DPP10: variants seen among roughly 807,000 people sequenced by gnomAD.
DPP10 encodes the protein inactive dipeptidyl peptidase 10.
In DPP10, 33 loss-of-function variants were observed where a neutral mutation model predicts 120.9. That is an observed-to-expected ratio of 0.27 (90% confidence interval 0.21 to 0.37). DPP10 has a LOEUF of 0.37. Ranked by LOEUF, DPP10 falls within the 10% of genes least tolerant of loss-of-function variation. DPP10 has a pLI of 1.00. For synonymous variants in DPP10, 337 were observed against 326.1 expected, an observed-to-expected ratio of 1.03 and a Z score of -0.36; for missense variants, 816 against 942.8, an observed-to-expected ratio of 0.87 and a Z score of 1.76.
At chr2:114,913,315 C>A (rs1339182210) in intron 1 of DPP10, among the ~76,000 whole-genome samples, 1 of 152,184 alleles carries the variant, frequency 6.6e-6, no homozygotes, top group Non-Finnish European at 1.5e-5. Context: ...ACCTACCACC[C>A]CCGCACTGAA....
At chr2:114,846,324 C>T (rs1688544361) in intron 1 of DPP10, among the ~76,000 whole-genome samples, 1 of 152,052 alleles carries the variant, frequency 6.6e-6, no homozygotes, top group Admixed American at 6.6e-5. Context: ...TTTAAATATG[C>T]TGATCAATTA....
chr2:115,414,864 A>G (rs1051694243), intron 3 of DPP10, among the ~76,000 whole-genome samples: 1 of 151,806 alleles, frequency 6.6e-6, no homozygotes, highest in South Asian at 2.1e-4. Flanking sequence ...TCAAGATGGT[A>G]TACTATCTCC....
intron 3 of DPP10, among the ~76,000 whole-genome samples, chr2:115,363,777 C>A (rs2064926048): frequency 6.6e-6 from 1 of 152,158 alleles, no homozygotes; most frequent in South Asian, 2.1e-4. Context: ...GCAAGTCAAC[C>A]AGTATTTCTG....
At chr2:114,879,580 C>T (rs574590341) in intron 1 of DPP10, among the ~76,000 whole-genome samples, 2 of 151,998 alleles carry the variant, frequency 1.3e-5, no homozygotes, top group Non-Finnish European at 2.9e-5. Context: ...AATGGGAAAG[C>T]TGCAATTGTA....
At chr2:115,479,634 AAC>A (rs1574967692) in intron 3 of DPP10, among the ~76,000 whole-genome samples, 1 of 146,836 alleles carries the variant, frequency 6.8e-6, no homozygotes, top group Non-Finnish European at 1.5e-5. Flanking sequence ...TTTAAATAAA[AAC>A]ACACATGTAT....
At chr2:114,710,280 C>A (rs1700941076) in intron 1 of DPP10, among the ~76,000 whole-genome samples, 1 of 152,180 alleles carries the variant, frequency 6.6e-6, no homozygotes, top group Non-Finnish European at 1.5e-5. Flanking sequence ...AGACAATGAA[C>A]CTGCAATGTT....
At chr2:114,587,539 G>A (rs956714423) in intron 1 of DPP10, among the ~76,000 whole-genome samples, 3 of 151,948 alleles carry the variant, frequency 2.0e-5, no homozygotes, top group African/African-American at 7.3e-5. Flanking sequence ...CAAAGCAACT[G>A]AGATGCCAAT....
intron 3 of DPP10, among the ~76,000 whole-genome samples, chr2:115,444,503 T>C (rs927676382): frequency 6.6e-6 from 1 of 152,226 alleles, no homozygotes; most frequent in Non-Finnish European, 1.5e-5. Context: ...GGAATTTGTT[T>C]CTTTCCAAGA....
intron 1 of DPP10, among the ~76,000 whole-genome samples, chr2:115,124,197 T>C (rs1465209820): frequency 2.6e-5 from 4 of 152,068 alleles, no homozygotes; most frequent in Admixed American, 2.6e-4. Context: ...CCTGCCTCCA[T>C]CTCCCAAAGT....
At chr2:115,022,095 A>G (rs1428444110) in intron 1 of DPP10, among the ~76,000 whole-genome samples, 1 of 152,146 alleles carries the variant, frequency 6.6e-6, no homozygotes, top group Non-Finnish European at 1.5e-5. Context: ...TTCCCCTAAG[A>G]ACTGAAACAT....
chr2:115,403,457 T>C (rs2068266763), intron 3 of DPP10, among the ~76,000 whole-genome samples: 1 of 139,962 alleles, frequency 7.1e-6, no homozygotes, highest in South Asian at 2.4e-4. Flanking sequence ...TGGAATTCAG[T>C]GGCATAATCT....
chr2:115,133,143 G>GTATATA (rs1238047393), intron 1 of DPP10, among the ~76,000 whole-genome samples: 220 of 31,976 alleles, frequency 6.9e-3, no homozygotes, highest in Non-Finnish European at 9.5e-3. Context: ...GTGTGTGTGT[G>GTATATA]TGTATATATA....
intron 1 of DPP10, among the ~76,000 whole-genome samples, chr2:114,657,414 T>C (rs1697048471): frequency 6.6e-6 from 1 of 152,222 alleles, no homozygotes; most frequent in Non-Finnish European, 1.5e-5. Context: ...TTTCAAATAT[T>C]AACATATTAG....
intron 1 of DPP10, among the ~76,000 whole-genome samples, chr2:114,947,470 A>T (rs148155204): frequency 3.9e-4 from 59 of 151,896 alleles, no homozygotes; most frequent in Middle Eastern, 6.8e-3. Context: ...ATAATTGCAT[A>T]GTCATATTTA....
chr2:115,162,145 G>A lies in DPP10; in HGVS notation c.61-147094G>A, dbSNP rs941364673. The A allele has an allele frequency of 2.4e-5, 36 of 1,528,204 alleles. 1 individual carries two copies. The highest frequency in any genetic ancestry group is 1.4e-5 in the African/African-American group (1 of 70,782). The allele number at this position is 1,528,204 out of a possible 1,614,324, so 94.7% of individuals were successfully genotyped here. On this transcript the variant is annotated intron_variant, in intron 1 of 25. Coordinates refer to ENST00000410059, the MANE Select transcript of DPP10 (RefSeq NM_020868.6). The stretch of plus-strand genomic sequence containing the variant: ...CGCCTCCCTCTTCTCACCCTCCCCC[G>A]CCCCGCCCCAGTTCCAGGCTCTCCT...
At chr2:114,879,298 T>C (rs1691414267) in intron 1 of DPP10, among the ~76,000 whole-genome samples, 1 of 152,088 alleles carries the variant, frequency 6.6e-6, no homozygotes, top group Non-Finnish European at 1.5e-5. Flanking sequence ...CTATGATTCA[T>C]GTTTTTGTTA....
intron 1 of DPP10, among the ~76,000 whole-genome samples, chr2:114,490,675 A>G (rs1422142867): frequency 6.6e-6 from 1 of 152,102 alleles, no homozygotes; most frequent in African/African-American, 2.4e-5. Context: ...AGGAGAAACA[A>G]TTCCTGAGTA....
intron 19 of DPP10, among the ~76,000 whole-genome samples, chr2:115,808,952 C>T (rs1323556609): frequency 6.6e-6 from 1 of 152,128 alleles, no homozygotes; most frequent in African/African-American, 2.4e-5. Context: ...AACTGCTTTC[C>T]TGGTTATGAC....
intron 12 of DPP10, among the ~76,000 whole-genome samples, chr2:115,767,782 C>T (rs985151045): frequency 8.5e-5 from 13 of 152,050 alleles, no homozygotes; most frequent in East Asian, 1.9e-4. Context: ...CTTTCAATTT[C>T]GTGGCCTGTC....
Sources: allele counts gnomAD v4.1 joint callset (sites outside exome capture counted in the v4.1 genomes callset), GRCh38; gene constraint gnomAD v4.1.1; transcripts MANE v1.5; gene names NCBI Gene and HGNC (gene_info 2026-07-23, HGNC 2026-07-21).